The following HS6ST3 variants were observed in gnomAD, a reference collection of about 807,000 sequenced individuals.
HS6ST3 encodes the protein heparan sulfate 6-O-sulfotransferase 3, also known as heparan-sulfate 6-O-sulfotransferase 3.
In HS6ST3, 12 loss-of-function variants were observed where a neutral mutation model predicts 36.7. That is an observed-to-expected ratio of 0.33 (90% CI 0.21 to 0.53). The LOEUF is 0.53. Ranked by LOEUF, HS6ST3 falls within the 20% of genes least tolerant of loss-of-function variation. The pLI is 0.95. For missense variants in HS6ST3, 584 were observed against 640.9 expected, an observed-to-expected ratio of 0.91 and a Z score of 0.96; for synonymous variants, 240 against 257.5, an observed-to-expected ratio of 0.93 and a Z score of 0.65.
At chr13:96,622,232 T>G (rs1448302622) in intron 1 of HS6ST3, among the ~76,000 whole-genome samples, 1 of 149,782 alleles carries the variant, frequency 6.7e-6, no homozygotes, top group Non-Finnish European at 1.5e-5. Context: ...AAAAACAAAG[T>G]TTTTGATAGG....
intron 1 of HS6ST3, among the ~76,000 whole-genome samples, chr13:96,656,216 C>T (rs1052005154): frequency 8.5e-5 from 13 of 152,058 alleles, no homozygotes; most frequent in Non-Finnish European, 1.6e-4. Context: ...AGTCTAGATT[C>T]CAAGTCTAAA....
chr13:96,408,026 C>T lies in HS6ST3; in HGVS notation c.707+316457C>T, dbSNP rs375682162. Among the ~76,000 whole-genome samples the T allele has an allele frequency of 7.2e-5, 11 of 152,208 alleles. No individual in the cohort carries two copies. In the South Asian group the frequency reaches 1.0e-3, roughly 14 times the overall value. On this transcript the variant is annotated intron_variant, in intron 1 of 1. Coordinates refer to ENST00000376705, the MANE Select transcript of HS6ST3 (RefSeq NM_153456.4). ...CACGATCTCGGCTCACTGCAACCTCCGCCCCTGGGTTCAAGCAATTCTCCA... is the reference window on the plus strand; with the variant it reads ...CACGATCTCGGCTCACTGCAACCTCTGCCCCTGGGTTCAAGCAATTCTCCA...
chr13:96,673,336 C>T (rs2056688462), intron 1 of HS6ST3, among the ~76,000 whole-genome samples: 1 of 152,146 alleles, frequency 6.6e-6, no homozygotes. Context: ...ATAACATTTA[C>T]AGGTTCTAGA....
At chr13:96,238,984 GA>G (rs1429681550) in intron 1 of HS6ST3, among the ~76,000 whole-genome samples, 6 of 152,154 alleles carry the variant, frequency 3.9e-5, no homozygotes, top group African/African-American at 1.4e-4. Context: ...TTTAGACCTT[GA>G]AAAATGACAA....
At chr13:96,614,763 G>T (rs542057693) in intron 1 of HS6ST3, among the ~76,000 whole-genome samples, 1 of 152,108 alleles carries the variant, frequency 6.6e-6, no homozygotes, top group Non-Finnish European at 1.5e-5. Context: ...TTTTAATTAT[G>T]AAAATGTAAA....
intron 1 of HS6ST3, among the ~76,000 whole-genome samples, chr13:96,620,839 A>T (rs768619353): frequency 1.3e-5 from 2 of 152,146 alleles, no homozygotes; most frequent in Non-Finnish European, 2.9e-5. Context: ...TTCAGCAATT[A>T]ATTTTTTTTT....
At chr13:96,574,512 G>A in intron 1 of HS6ST3, 1 of 416,916 alleles carries the variant, frequency 2.4e-6, no homozygotes, top group South Asian at 3.4e-5. Flanking sequence ...CCTGACACAT[G>A]GCTGCATGAC....
chr13:96,111,722 A>G (rs913583498), intron 1 of HS6ST3, among the ~76,000 whole-genome samples: 5 of 152,224 alleles, frequency 3.3e-5, no homozygotes, highest in African/African-American at 7.2e-5. Flanking sequence ...GCAATAAGCA[A>G]CTAGACAATA....
rs145150430 is a variant in HS6ST3, at chr13:96,707,112, C to T, written c.708-125378C>T. ...TATGGGTTGAATTTTTTTGTCCTCC[C>T]AGAACTCATATGTTTAAACTCTAAC... On this transcript the variant is annotated intron_variant, in intron 1 of 1. Transcript: ENST00000376705. 5.1e-4 allele frequency among the ~76,000 whole-genome samples: 77 copies of T among 152,140 alleles called. No individual in the cohort carries two copies. The East Asian group carries it at 0.013, about 25-fold the overall frequency.
At chr13:96,248,748 T>C (rs1555293447) in intron 1 of HS6ST3, among the ~76,000 whole-genome samples, 1 of 152,202 alleles carries the variant, frequency 6.6e-6, no homozygotes, top group Non-Finnish European at 1.5e-5. Flanking sequence ...TAAAATTATA[T>C]ATGATAAGCT....
chr13:96,258,602 A>C (rs997746357), intron 1 of HS6ST3, among the ~76,000 whole-genome samples: 5 of 152,184 alleles, frequency 3.3e-5, no homozygotes, highest in Non-Finnish European at 7.3e-5. Flanking sequence ...AGCAATGGGC[A>C]CTTAGGATAG....
rs545384588 is a variant in HS6ST3, at chr13:96,835,539, T to C, written c.*2341T>C. 6.6e-6 allele frequency: 1 copy of C among 151,516 alleles called. No homozygotes were observed. Among genetic ancestry groups the C allele is most frequent in the East Asian group, 1.9e-4 (1 of 5,140 alleles). The allele number at this position is 151,516 out of a possible 1,614,324, so 9.4% of individuals were successfully genotyped here. On this transcript the variant is annotated 3_prime_UTR_variant, in exon 2 of 2. Coordinates refer to ENST00000376705, the MANE Select transcript of HS6ST3 (RefSeq NM_153456.4). ...TCTCTCTCTCTAGCTTCTCATCTCA[T>C]TGTTAGGATCTAATGTTCTGCCTAG... is the stretch of plus-strand genomic sequence containing the variant.
rs533364089 is a variant in HS6ST3, at chr13:96,771,883, C to T, written c.708-60607C>T. Reference sequence around the variant, plus strand: ...TGTTTTGCCAAGGAGGTCATCTTCCCCCATTTCCTTAACAAGGATGAGCAG... The same window carrying T: ...TGTTTTGCCAAGGAGGTCATCTTCCTCCATTTCCTTAACAAGGATGAGCAG... On this transcript the variant is annotated intron_variant, in intron 1 of 1. Transcript: ENST00000376705. 2.0e-4 allele frequency among the ~76,000 whole-genome samples: 30 copies of T among 152,216 alleles called. No individual in the cohort carries two copies. In the East Asian group the frequency reaches 4.8e-3, roughly 25 times the overall value.
At chr13:96,257,416 A>G (rs956135309) in intron 1 of HS6ST3, among the ~76,000 whole-genome samples, 3 of 152,150 alleles carry the variant, frequency 2.0e-5, no homozygotes, top group African/African-American at 7.2e-5. Flanking sequence ...TGTTATAGGG[A>G]TTATCATATT....
intron 1 of HS6ST3, among the ~76,000 whole-genome samples, chr13:96,293,492 A>G (rs1233383631): frequency 2.0e-5 from 3 of 152,148 alleles, no homozygotes. Context: ...ACATATACAC[A>G]TATATGCAGT....
chr13:96,219,915 C>T lies in HS6ST3; in HGVS notation c.707+128346C>T, dbSNP rs139479204. On this transcript the variant is annotated intron_variant, in intron 1 of 1. Coordinates refer to ENST00000376705, the MANE Select transcript of HS6ST3 (RefSeq NM_153456.4). ...GCCAGGATGGTCTTGATCTCTTGAC[C>T]TCGTGATCTGCCCACCTCGGCCTCC... is the stretch of plus-strand genomic sequence containing the variant. Among the ~76,000 whole-genome samples, 744 of 152,290 alleles carry T rather than the reference C, an allele frequency of 4.9e-3. 22 individuals carry two copies. Among genetic ancestry groups the T allele is most frequent in the Middle Eastern group, 0.037 (11 of 294 alleles).
intron 1 of HS6ST3, among the ~76,000 whole-genome samples, chr13:96,323,147 C>T (rs1375044360): frequency 6.6e-6 from 1 of 152,144 alleles, no homozygotes; most frequent in Non-Finnish European, 1.5e-5. Context: ...ATATCTTTCC[C>T]TCATGATTAA....
At chr13:96,777,096 G>T (rs986828476) in intron 1 of HS6ST3, among the ~76,000 whole-genome samples, 2 of 152,118 alleles carry the variant, frequency 1.3e-5, no homozygotes, top group Admixed American at 6.5e-5. Context: ...AAAACCACAT[G>T]ATTATCTCAA....
chr13:96,720,424 A>C (rs1358690224), intron 1 of HS6ST3, among the ~76,000 whole-genome samples: 1 of 152,268 alleles, frequency 6.6e-6, no homozygotes, highest in Non-Finnish European at 1.5e-5. Context: ...CCTGAGATTC[A>C]TATTCATTCT....
Sources: allele counts gnomAD v4.1 joint callset (sites outside exome capture counted in the v4.1 genomes callset), GRCh38; gene constraint gnomAD v4.1.1; transcripts MANE v1.5; gene names NCBI Gene and HGNC (gene_info 2026-07-23, HGNC 2026-07-21).